PARD3B: variants seen among roughly 807,000 people sequenced by gnomAD.
The protein encoded by PARD3B is par-3 family cell polarity regulator beta, also known as partitioning defective 3 homolog B.
A neutral mutation model predicts 130.2 loss-of-function variants in PARD3B; 103 were observed. The ratio of observed to expected loss-of-function variants is 0.79; its 90% CI spans 0.67 to 0.93. The LOEUF is 0.93. Ranked by LOEUF, PARD3B falls within the 40% of genes least tolerant of loss-of-function variation. The pLI, the probability that PARD3B is intolerant of heterozygous loss-of-function variation, is 0.00. For synonymous variants in PARD3B, 583 were observed against 553.2 expected (o/e 1.05, Z -0.76); for missense variants, 1,609 against 1,499.2 (o/e 1.07, Z -1.21).
At chr2:205,271,663 G>T (rs528512988) in intron 16 of PARD3B, among the ~76,000 whole-genome samples, 1 of 152,262 alleles carries the variant, frequency 6.6e-6, no homozygotes, top group Non-Finnish European at 1.5e-5. Context: ...TAACTTTTCA[G>T]ATCTTCATTA....
At chr2:205,129,207 T>C (rs983138279) in intron 10 of PARD3B, among the ~76,000 whole-genome samples, 2 of 152,150 alleles carry the variant, frequency 1.3e-5, no homozygotes, top group Non-Finnish European at 2.9e-5. Flanking sequence ...GCATTTGAGG[T>C]TTATAAGCAC....
chr2:205,178,817 G>C (rs1401158565), intron 13 of PARD3B, among the ~76,000 whole-genome samples: 3 of 152,108 alleles, frequency 2.0e-5, no homozygotes, highest in Non-Finnish European at 2.9e-5. Flanking sequence ...CATATATCAT[G>C]GTGGTCCCAT....
At chr2:205,008,585 A>G (rs1265628559) in intron 3 of PARD3B, among the ~76,000 whole-genome samples, 1 of 152,196 alleles carries the variant, frequency 6.6e-6, no homozygotes, top group Non-Finnish European at 1.5e-5. Flanking sequence ...ATAATGCTGA[A>G]CAATAAATGC....
chr2:205,069,731 C>T lies in PARD3B; in HGVS notation c.504+22041C>T, dbSNP rs140248203. 6.8e-3 allele frequency among the ~76,000 whole-genome samples: 1,031 copies of T among 152,158 alleles called. 17 individuals carry two copies. Among genetic ancestry groups the T allele is most frequent in the African/African-American group, 0.023 (974 of 41,504 alleles). On this transcript the variant is annotated intron_variant, in intron 4 of 22. Transcript: ENST00000406610. ...ACCCTTCACCCTAAGTAGAAGAAGCCGCACTTGAACTCAGCTTCAAGGGAC... is the reference window on the plus strand; with the variant it reads ...ACCCTTCACCCTAAGTAGAAGAAGCTGCACTTGAACTCAGCTTCAAGGGAC...
intron 22 of PARD3B, among the ~76,000 whole-genome samples, chr2:205,573,549 T>A (rs2106553195): frequency 6.6e-6 from 1 of 152,294 alleles, no homozygotes; most frequent in Admixed American, 6.5e-5. Flanking sequence ...AACTGAGATT[T>A]TAAGACTACA....
rs2047901166 is a variant in PARD3B, at chr2:205,446,192, G to A, written c.3044+5520G>A. Among the ~76,000 whole-genome samples, 3 of 152,122 alleles carry A rather than the reference G, an allele frequency of 2.0e-5. No individual in the cohort carries two copies. The highest frequency in any genetic ancestry group is 2.1e-4 in the South Asian group (1 of 4,822). The stretch of plus-strand genomic sequence containing the variant: ...GGGTAAATGGAAAGAGAGAACATGG[G>A]ATGGCCTCAGAGCTGACCAAAGGCA... On this transcript the variant is annotated intron_variant, in intron 20 of 22. Transcript: ENST00000406610. This position sits in a 1 kb window ranked among gnomAD's most constrained non-coding sequence, Gnocchi z 4.4.
At chr2:205,586,462 T>A (rs1016123964) in intron 22 of PARD3B, among the ~76,000 whole-genome samples, 1 of 152,168 alleles carries the variant, frequency 6.6e-6, no homozygotes, top group Admixed American at 6.5e-5. Flanking sequence ...TGGGAAGAGA[T>A]TACTGGAGAA....
At chr2:205,551,191 A>G (rs902385473) in intron 21 of PARD3B, among the ~76,000 whole-genome samples, 4 of 151,796 alleles carry the variant, frequency 2.6e-5, no homozygotes, top group Non-Finnish European at 1.5e-5. Flanking sequence ...TGGATACATA[A>G]GCATAGTGAT....
At chr2:205,024,099 A>G (rs1054514487) in intron 3 of PARD3B, among the ~76,000 whole-genome samples, 1 of 151,510 alleles carries the variant, frequency 6.6e-6, no homozygotes, top group Non-Finnish European at 1.5e-5. Flanking sequence ...TGCCCAGTGC[A>G]GGGTGAGCTC....
intron 1 of PARD3B, among the ~76,000 whole-genome samples, chr2:204,546,564 T>C (rs2029953845): frequency 6.6e-6 from 1 of 152,280 alleles, no homozygotes; most frequent in East Asian, 1.9e-4. Context: ...AGTTAGAAAG[T>C]TGATTGTGCA....
chr2:205,438,776 C>A (rs554775247), intron 19 of PARD3B, among the ~76,000 whole-genome samples: 350 of 152,224 alleles, frequency 2.3e-3, no homozygotes, highest in African/African-American at 8.1e-3. Flanking sequence ...ATTCAAGTTG[C>A]CGTATGCAAA....
intron 2 of PARD3B, among the ~76,000 whole-genome samples, chr2:204,777,661 T>C (rs2041679799): frequency 6.6e-6 from 1 of 151,986 alleles, no homozygotes; most frequent in Non-Finnish European, 1.5e-5. Flanking sequence ...CCCAGCTACT[T>C]GGGCAGCTGA....
intron 3 of PARD3B, among the ~76,000 whole-genome samples, chr2:205,023,765 A>G (rs1197767223): frequency 6.6e-6 from 1 of 152,114 alleles, no homozygotes; most frequent in Non-Finnish European, 1.5e-5. Flanking sequence ...TAAAGGATGC[A>G]TGGATGAACT....
At chr2:205,419,363 A>G (rs2106085837) in intron 19 of PARD3B, among the ~76,000 whole-genome samples, 1 of 152,254 alleles carries the variant, frequency 6.6e-6, no homozygotes, top group Non-Finnish European at 1.5e-5. Context: ...CTAGCCATGT[A>G]AAACTGTGAA....
At chr2:204,731,771 G>A (rs941560667) in intron 2 of PARD3B, among the ~76,000 whole-genome samples, 1 of 152,174 alleles carries the variant, frequency 6.6e-6, no homozygotes, top group African/African-American at 2.4e-5. Flanking sequence ...ACAACTGTTT[G>A]TGGCCTAGAG....
intron 1 of PARD3B, among the ~76,000 whole-genome samples, chr2:204,580,518 G>C (rs1044027587): frequency 5.3e-5 from 8 of 152,138 alleles, no homozygotes; most frequent in African/African-American, 1.9e-4. Flanking sequence ...TATGGAGGTA[G>C]CTAGAAGCAC....
At chr2:204,874,913 G>T (rs966706504) in intron 2 of PARD3B, among the ~76,000 whole-genome samples, 5 of 152,104 alleles carry the variant, frequency 3.3e-5, no homozygotes, top group African/African-American at 1.2e-4. Flanking sequence ...TCAGTGGTTT[G>T]CTCCTTTTTT....
At chr2:204,915,501 G>C (rs886409825) in intron 2 of PARD3B, among the ~76,000 whole-genome samples, 2 of 151,996 alleles carry the variant, frequency 1.3e-5, no homozygotes, top group African/African-American at 4.8e-5. Flanking sequence ...TATAAATTTA[G>C]TTTTATGTAT....
chr2:205,052,228 TTTAATTTAACCC>T (rs1030727072), intron 4 of PARD3B, among the ~76,000 whole-genome samples: 2 of 151,854 alleles, frequency 1.3e-5, no homozygotes, highest in African/African-American at 4.8e-5. Flanking sequence ...GTTTATGGTT[TTTAATTTAACCC>T]TTAAGGCAAA....
Sources: gnomAD v4.1 joint callset for allele counts (sites outside exome capture counted in the v4.1 genomes callset) on GRCh38, gnomAD v4.1.1 for gene constraint, Gnocchi (gnomAD v3.1) non-coding constraint, MANE v1.5 for transcripts, NCBI Gene and HGNC (gene_info 2026-07-23, HGNC 2026-07-21) for gene names.